The following TOPBP1 variants were observed in gnomAD, a reference collection of about 807,000 sequenced individuals.
TOPBP1 encodes DNA topoisomerase 2-binding protein 1.
Under a neutral mutation model 167.7 loss-of-function variants are expected in TOPBP1, and 28 were observed. The observed-to-expected ratio is 0.17, with a 90% confidence interval of 0.12 to 0.23. The LOEUF is 0.23. TOPBP1 is among the 10% of genes least tolerant of loss of function. The probability of loss-of-function intolerance (pLI) is 1.00; values close to 1 mark genes in which losing one functional copy is unlikely to be tolerated. For missense variants in TOPBP1, 1,554 were observed against 1,809.6 expected (o/e 0.86, Z 2.56); for synonymous variants, 598 against 611.4 (o/e 0.98, Z 0.32).
Position 133,610,747 on chromosome 3 carries a change from T to C in TOPBP1, c.4173+257A>G, listed in dbSNP as rs369641957. ...GTACATGGCCTTCCCAGATTTGATCTACAAATTCCTTTGAGAAGGTCTGTG... is the reference window on the plus strand; with the variant it reads ...GTACATGGCCTTCCCAGATTTGATCCACAAATTCCTTTGAGAAGGTCTGTG... On this transcript the variant is annotated intron_variant, in intron 25 of 27. Coordinates refer to ENST00000260810, the MANE Select transcript of TOPBP1 (RefSeq NM_007027.4). Among the ~76,000 whole-genome samples the C allele has an allele frequency of 2.4e-4, 36 of 152,258 alleles. 1 individual carries two copies. Among genetic ancestry groups the C allele is most frequent in the African/African-American group, 6.7e-4 (28 of 41,558 alleles).
chr3:133,632,363 CCACCG>C (rs1935515147), intron 14 of TOPBP1, among the ~76,000 whole-genome samples: 1 of 152,016 alleles, frequency 6.6e-6, no homozygotes, highest in Admixed American at 6.6e-5. Flanking sequence ...CGAGATCATG[CCACCG>C]CACTTCAGCC....
intron 12 of TOPBP1, 57 bp from the exon 13 acceptor site, chr3:133,640,227 C>A: frequency 6.9e-7 from 1 of 1,451,312 alleles, no homozygotes; most frequent in African/African-American, 1.4e-5. Context: ...ACCCGCAAAA[C>A]TAACAAAATT....
At chr3:133,650,143 C>T (rs181352734) in intron 8 of TOPBP1, among the ~76,000 whole-genome samples, 200 bp from the exon 9 acceptor site, 3 of 152,220 alleles carry the variant, frequency 2.0e-5, no homozygotes, top group Non-Finnish European at 2.9e-5. Context: ...CAATCTCATA[C>T]AGCATTATCT....
intron 14 of TOPBP1, among the ~76,000 whole-genome samples, chr3:133,629,255 T>G (rs1935380472): frequency 6.6e-6 from 1 of 152,244 alleles, no homozygotes; most frequent in South Asian, 2.1e-4. Flanking sequence ...CCAAATGGCT[T>G]GCTCATTCTC....
intron 9 of TOPBP1, 58 bp from the exon 10 acceptor site, chr3:133,649,691 T>C (rs769877914): frequency 2.4e-5 from 39 of 1,597,044 alleles, no homozygotes; most frequent in Non-Finnish European, 3.3e-5. Context: ...ATCATCCCAC[T>C]TGTCATGCAG....
At position 133,601,381 on chromosome 3, in the gene TOPBP1, G is replaced by A. The variant is rs1352315295; in HGVS notation, c.4438C>T (p.His1480Tyr). 2 of 1,535,622 alleles carry A rather than the reference G, an allele frequency of 1.3e-6. No homozygotes were observed. The highest frequency in any genetic ancestry group is 2.8e-5 in the African/African-American group (2 of 71,248). The change falls in exon 28 of 28, where the codon CAT becomes TAT. Residue 1480 changes from histidine to tyrosine, a missense_variant. Around this residue, in one of 3 missense-constraint regions of TOPBP1, gnomAD observed 351 missense variants for 432.9 expected, o/e 0.81. Coordinates refer to ENST00000260810, the MANE Select transcript of TOPBP1 (RefSeq NM_007027.4). The part of the protein sequence containing the change: ...ADYLMQESPP[H>Y]VENYCLPEAI... ...TCTGGTAGACAGTAATTTTCTACATGAGGAGGTGATTCCTATAAAAGGAAA... is the reference window on the plus strand; with the variant it reads ...TCTGGTAGACAGTAATTTTCTACATAAGGAGGTGATTCCTATAAAAGGAAA...
Position 133,617,226 on chromosome 3 carries a change from C to A in TOPBP1, c.3693G>T (p.Thr1231=), listed in dbSNP as rs751339787. 4 of 1,613,764 alleles carry A rather than the reference C, an allele frequency of 2.5e-6. No individual in the cohort carries two copies. Among genetic ancestry groups the A allele is most frequent in the South Asian group, 1.1e-5 (1 of 91,074 alleles). Residue 1231 remains threonine, a synonymous_variant, in exon 22 of 28, where the codon ACG becomes ACT. Transcript: ENST00000260810. Reference sequence around the variant, plus strand: ...GAAAGGCAATACTGGGGGCTTGAGGCGTAGGGATCAGGTGGCTGTCTTTTA... The same window carrying A: ...GAAAGGCAATACTGGGGGCTTGAGGAGTAGGGATCAGGTGGCTGTCTTTTA... The part of the protein sequence containing the change: ...TPIKDSHLIP[T]PQAPSIAFPL...
In TOPBP1 at chr3:133,618,435, T is replaced by TA; in HGVS notation, c.3372-3dup. ...TCAGGTACTGTCTGACGAGACTGCC[T>TA]AAGGAATAGAAGTGACAGTTTAAAT... On this transcript the variant is annotated splice_polypyrimidine_tract_variant and splice_region_variant and intron_variant, in intron 20 of 27. Transcript: ENST00000260810. The TA allele has an allele frequency of 6.2e-7, 1 of 1,612,592 alleles. No homozygotes were observed. The highest frequency in any genetic ancestry group is 8.5e-7 in the Non-Finnish European group (1 of 1,178,764).
chr3:133,644,117 G>A lies in TOPBP1; in HGVS notation c.1751C>T (p.Ser584Phe). The A allele has an allele frequency of 6.2e-7, 1 of 1,613,948 alleles. No homozygotes were observed. The highest frequency in any genetic ancestry group is 8.5e-7 in the Non-Finnish European group (1 of 1,179,874). The change falls in exon 11 of 28, where the codon TCC (serine) becomes TTC (phenylalanine). Residue 584 changes from serine (S) to phenylalanine (F), a missense_variant. By Grantham distance (155) the Ser-to-Phe change is radical (BLOSUM62 -2). Transcript: ENST00000260810. ...ATCCGCAACAGTTCTGCTCAGAAGG[G>A]ACATGATTTTCCCAGCATTTTCTTT... ...IIKENAGKIM[S>F]LLSRTVADYA...
In TOPBP1 at chr3:133,638,115, C is replaced by A. The variant is rs1935741165; in HGVS notation, c.2281G>T (p.Asp761Tyr). The change falls in exon 14 of 28, where the codon GAT becomes TAT. Residue 761 changes from aspartate to tyrosine, a missense_variant. Asp to Tyr is a radical substitution (Grantham distance 160). Around this residue, in one of 3 missense-constraint regions of TOPBP1, gnomAD observed 1,197 missense variants for 1,351.5 expected, o/e 0.89. Coordinates refer to ENST00000260810, the MANE Select transcript of TOPBP1 (RefSeq NM_007027.4). The stretch of plus-strand genomic sequence containing the variant: ...CGTGTGCCAGGATGCTCTGCAGTAT[C>A]TGAATTTAGATTGATTCCATTTGTT... ...EITNGINLNSDTAEHPGTRLQ... is the reference protein window; with the variant it reads ...EITNGINLNSYTAEHPGTRLQ... The A allele has an allele frequency of 1.9e-6, 3 of 1,613,956 alleles. No individual in the cohort carries two copies.
intron 19 of TOPBP1, among the ~76,000 whole-genome samples, chr3:133,622,867 T>C (rs1014263512): frequency 8.5e-5 from 13 of 152,308 alleles, no homozygotes; most frequent in African/African-American, 3.1e-4. Context: ...TATCACTTAA[T>C]GATCAGCATG....
At position 133,613,523 on chromosome 3, in the gene TOPBP1, G is replaced by C. The variant is rs989934550; in HGVS notation, c.3872-971C>G. Among the ~76,000 whole-genome samples the C allele has an allele frequency of 4.6e-5, 7 of 152,108 alleles. No homozygotes were observed. The East Asian group carries it at 1.3e-3, about 29-fold the overall frequency. ...GGCATCTGCAGACTTTAAAACAGGA[G>C]GAAATTTTTTATGAGTGGAAATAAT... On this transcript the variant is annotated intron_variant, in intron 23 of 27. Transcript: ENST00000260810.
Position 133,653,328 on chromosome 3 carries a change from A to C in TOPBP1, c.922+17T>G, listed in dbSNP as rs1559832343. The C allele has an allele frequency of 6.5e-7, 1 of 1,548,706 alleles. No homozygotes were observed. Among genetic ancestry groups the C allele is most frequent in the East Asian group, 2.3e-5 (1 of 42,590 alleles). On this transcript the variant is annotated intron_variant, in intron 7 of 27. Coordinates refer to ENST00000260810, the MANE Select transcript of TOPBP1 (RefSeq NM_007027.4). ...GACTGTCTTCAGAATAATTATTTTA[A>C]TCTCAATGAGACTCACTATCAATTG...
intron 23 of TOPBP1, among the ~76,000 whole-genome samples, chr3:133,614,833 G>T (rs1018994223): frequency 1.1e-4 from 15 of 134,710 alleles, no homozygotes; most frequent in Non-Finnish European, 7.9e-5. Flanking sequence ...GTCCTGGGGT[G>T]GGGGGAGGGG....
chr3:133,653,527 G>A lies in TOPBP1; in HGVS notation c.743-3C>T. On this transcript the variant is annotated splice_region_variant and splice_polypyrimidine_tract_variant and intron_variant, in intron 6 of 27. Transcript: ENST00000260810. ...CTTGGCACACTCATACTTCTGACCTGTGGCGTTCATTAAGAAAGAAATAGA... is the reference window on the plus strand; with the variant it reads ...CTTGGCACACTCATACTTCTGACCTATGGCGTTCATTAAGAAAGAAATAGA... 1 of 1,533,108 alleles carries A rather than the reference G, an allele frequency of 6.5e-7. No individual in the cohort carries two copies. The highest frequency in any genetic ancestry group is 8.7e-7 in the Non-Finnish European group (1 of 1,145,836). 95.0% of individuals were successfully genotyped at this position (1,533,108 alleles called of 1,614,324 possible).
chr3:133,639,573 T>C (rs1324115646), intron 13 of TOPBP1, among the ~76,000 whole-genome samples: 4 of 152,070 alleles, frequency 2.6e-5, no homozygotes, highest in Admixed American at 6.6e-5. Context: ...ATTGTGCACA[T>C]GTACCCCAGA....
In TOPBP1 at chr3:133,661,040, T is replaced by C. The variant is rs750324000; in HGVS notation, c.84+4A>G. ...CACGGTATTAAGATGTTTTCAACTCTTACCTCGAGAGCTTTAAAAAAACAT... is the reference window on the plus strand; with the variant it reads ...CACGGTATTAAGATGTTTTCAACTCCTACCTCGAGAGCTTTAAAAAAACAT... On this transcript the variant is annotated splice_donor_region_variant and intron_variant, in intron 2 of 27. Coordinates refer to ENST00000260810, the MANE Select transcript of TOPBP1 (RefSeq NM_007027.4). The C allele has an allele frequency of 3.2e-6, 5 of 1,571,600 alleles. No homozygotes were observed. In the South Asian group the frequency reaches 6.0e-5, roughly 19 times the overall value.
Position 133,659,058 on chromosome 3 carries a change from G to A in TOPBP1, c.177C>T (p.Ile59=). The A allele has an allele frequency of 6.3e-7, 1 of 1,597,868 alleles. No homozygotes were observed. Among genetic ancestry groups the A allele is most frequent in the Non-Finnish European group, 8.5e-7 (1 of 1,171,896 alleles). Residue 59 remains isoleucine (I), a synonymous_variant, in exon 3 of 28, where the codon ATC becomes ATT. Transcript: ENST00000260810. ...KIKENDRSLY[I]CDPFSGVVFD... ...AGACAACGCCACTAAAAGGGTCACA[G>A]ATATAAAGTGATCTATCATTCTCCT...
chr3:133,619,054 CTCAT>C (rs1483216684), intron 20 of TOPBP1, among the ~76,000 whole-genome samples: 2 of 149,342 alleles, frequency 1.3e-5, no homozygotes, highest in African/African-American at 2.5e-5. Context: ...TTTATATTCA[CTCAT>C]TCATTCATTC....
Sources: allele counts gnomAD v4.1 joint callset (sites outside exome capture counted in the v4.1 genomes callset), GRCh38; gene constraint gnomAD v4.1.1; regional missense constraint gnomAD v4.1.1; transcripts MANE v1.5; gene names NCBI Gene and HGNC (gene_info 2026-07-23, HGNC 2026-07-21).